PHKB: variants seen among roughly 807,000 people sequenced by gnomAD.
PHKB encodes phosphorylase kinase regulatory subunit beta.
In PHKB, 122 loss-of-function variants were observed where a neutral mutation model predicts 152.1. The ratio of observed to expected loss-of-function variants is 0.80; its 90% confidence interval spans 0.69 to 0.93. PHKB has a LOEUF of 0.93. Ranked by LOEUF, PHKB falls within the 40% of genes least tolerant of loss-of-function variation. PHKB has a pLI of 0.00. For synonymous variants in PHKB, 436 were observed against 464.9 expected (o/e 0.94, Z 0.80); for missense variants, 1,304 against 1,328.4 (o/e 0.98, Z 0.29).
chr16:47,474,849 C>CA (rs1419175550), intron 1 of PHKB, among the ~76,000 whole-genome samples: 1 of 152,092 alleles, frequency 6.6e-6, no homozygotes, highest in African/African-American at 2.4e-5. Flanking sequence ...CTCAGCCTCC[C>CA]AAGTAGCTGG....
Position 47,669,211 on chromosome 16 carries a change from G to A in PHKB, c.2428-4G>A. 6.2e-7 allele frequency: 1 copy of A among 1,611,450 alleles called. No homozygotes were observed. Among genetic ancestry groups the A allele is most frequent in the Non-Finnish European group, 8.5e-7 (1 of 1,177,772 alleles). On this transcript the variant is annotated splice_polypyrimidine_tract_variant and splice_region_variant and intron_variant, in intron 25 of 30. Coordinates refer to ENST00000323584, the MANE Select transcript of PHKB (RefSeq NM_000293.3). ...ATTTTACAATAAAATTCTGCCACTTGTAGGTAACTCTGGGTGCCTTTGGGC... is the reference window on the plus strand; with the variant it reads ...ATTTTACAATAAAATTCTGCCACTTATAGGTAACTCTGGGTGCCTTTGGGC...
Position 47,485,240 on chromosome 16 carries a change from C to T in PHKB, c.77-12159C>T, listed in dbSNP as rs561886525. Among the ~76,000 whole-genome samples the T allele has an allele frequency of 2.6e-5, 4 of 152,164 alleles. No individual in the cohort carries two copies. In the South Asian group the frequency reaches 6.2e-4, roughly 24 times the overall value. ...ATTTATTCCATAATATTTTAAATTTCGGTGTATGGTGGAACTGTGCAGAAA... is the reference window on the plus strand; with the variant it reads ...ATTTATTCCATAATATTTTAAATTTTGGTGTATGGTGGAACTGTGCAGAAA... On this transcript the variant is annotated intron_variant, in intron 1 of 30. Transcript: ENST00000323584.
intron 7 of PHKB, among the ~76,000 whole-genome samples, chr16:47,549,360 G>A (rs929627206): frequency 6.6e-6 from 1 of 152,100 alleles, no homozygotes; most frequent in Non-Finnish European, 1.5e-5. Context: ...CATATTTTCA[G>A]CGTGAAATAT....
intron 3 of PHKB, 30 bp downstream of exon 3, chr16:47,499,924 T>A: frequency 6.2e-7 from 1 of 1,613,630 alleles, no homozygotes; most frequent in Non-Finnish European, 8.5e-7. Context: ...CCTCGTAACT[T>A]TGAGAGTGGA....
intron 14 of PHKB, among the ~76,000 whole-genome samples, chr16:47,622,927 T>C (rs528091314): frequency 1.3e-5 from 2 of 152,350 alleles, no homozygotes; most frequent in African/African-American, 4.8e-5. Context: ...CATAGAATTT[T>C]GCATGAATTA....
chr16:47,512,072 C>T lies in PHKB; in HGVS notation c.513+300C>T, dbSNP rs1970520151. On this transcript the variant is annotated intron_variant, in intron 5 of 30. Transcript: ENST00000323584. ...CAGAGCTCAGGCGGTAATGCTTGCT[C>T]ACTGCTGCTCACCTCCTGCTGTGCG... Among the ~76,000 whole-genome samples the T allele has an allele frequency of 2.0e-5, 3 of 152,210 alleles. No individual in the cohort carries two copies. The South Asian group carries it at 6.2e-4, about 32-fold the overall frequency.
At chr16:47,574,166 C>T (rs1567311933) in intron 7 of PHKB, among the ~76,000 whole-genome samples, 3 of 152,154 alleles carry the variant, frequency 2.0e-5, no homozygotes, top group Admixed American at 6.5e-5. Flanking sequence ...GTGACCCACC[C>T]GTTTCAGCCT....
intron 7 of PHKB, among the ~76,000 whole-genome samples, chr16:47,573,453 C>G (rs1267339937): frequency 6.6e-6 from 1 of 152,152 alleles, no homozygotes; most frequent in African/African-American, 2.4e-5. Flanking sequence ...GCGGAACTGC[C>G]TCTGTTGCAT....
intron 26 of PHKB, among the ~76,000 whole-genome samples, chr16:47,680,401 G>T (rs1597174890): frequency 6.6e-6 from 1 of 152,108 alleles, no homozygotes; most frequent in East Asian, 1.9e-4. Context: ...TCTGGTCCTG[G>T]ACTATTTTTG....
At chr16:47,577,296 C>T (rs1430257119) in intron 7 of PHKB, among the ~76,000 whole-genome samples, 4 of 152,054 alleles carry the variant, frequency 2.6e-5, no homozygotes, top group Middle Eastern at 3.4e-3. Flanking sequence ...GTCTTATTAC[C>T]ATTCTGAATT....
intron 16 of PHKB, among the ~76,000 whole-genome samples, chr16:47,644,641 T>G (rs1040402584): frequency 1.3e-5 from 2 of 152,184 alleles, no homozygotes; most frequent in African/African-American, 4.8e-5. Context: ...TGTATTTCTG[T>G]CATTAAATGT....
chr16:47,678,337 A>G (rs1259400426), intron 26 of PHKB, among the ~76,000 whole-genome samples: 1 of 152,214 alleles, frequency 6.6e-6, no homozygotes, highest in African/African-American at 2.4e-5. Context: ...TCCCTGAGGA[A>G]TCGCCACACT....
intron 6 of PHKB, among the ~76,000 whole-genome samples, chr16:47,543,953 A>G (rs1304628392): frequency 6.6e-6 from 1 of 151,886 alleles, no homozygotes; most frequent in Non-Finnish European, 1.5e-5. Flanking sequence ...ATTACAATCT[A>G]TTCTATACAT....
In PHKB at chr16:47,669,412, A is replaced by G. The variant is rs1458881430; in HGVS notation, c.2625A>G (p.Arg875=). 5 of 1,613,962 alleles carry G rather than the reference A, an allele frequency of 3.1e-6. No homozygotes were observed. Among genetic ancestry groups the G allele is most frequent in the Non-Finnish European group, 4.2e-6 (5 of 1,179,834 alleles). The change falls in exon 26 of 31, where the codon CGA becomes CGG. Residue 875 remains arginine (R), a synonymous_variant. Transcript: ENST00000323584. The part of the protein sequence containing the change: ...PELFSGMLKI[R]IGWIIHAMEY... ...TATTCAGTGGCATGCTGAAAATACG[A>G]ATCGGGTGAGTGAAGTCCTTTGCAT...
intron 14 of PHKB, among the ~76,000 whole-genome samples, chr16:47,620,951 GGTATAAAGT>G (rs2151714895): frequency 6.6e-6 from 1 of 152,214 alleles, no homozygotes. Context: ...AGTTTAAAAT[GGTATAAAGT>G]GTAAAGAATT....
chr16:47,636,292 C>T (rs1972918830), intron 14 of PHKB, among the ~76,000 whole-genome samples: 1 of 152,228 alleles, frequency 6.6e-6, no homozygotes, highest in Non-Finnish European at 1.5e-5. Flanking sequence ...GGCAACCTGT[C>T]TAGGGCAGCC....
chr16:47,470,475 G>A (rs1969746365), intron 1 of PHKB, among the ~76,000 whole-genome samples: 1 of 152,204 alleles, frequency 6.6e-6, no homozygotes, highest in Non-Finnish European at 1.5e-5. Context: ...TTCCAGAGTG[G>A]GCGTTATGGC....
At chr16:47,522,347 C>T (rs1002158797) in intron 6 of PHKB, among the ~76,000 whole-genome samples, 2 of 151,926 alleles carry the variant, frequency 1.3e-5, no homozygotes, top group Non-Finnish European at 2.9e-5. Context: ...TCATAGTATC[C>T]TATTTAAGTC....
rs763761593 is a variant in PHKB, at chr16:47,650,535, G to C, written c.1798-9G>C. ...GTGCCATTACATCCTACCTCATTCTGTTTGACAGAATGCGCTGCAGTTCAT... is the reference window on the plus strand; with the variant it reads ...GTGCCATTACATCCTACCTCATTCTCTTTGACAGAATGCGCTGCAGTTCAT... On this transcript the variant is annotated splice_polypyrimidine_tract_variant and intron_variant, in intron 18 of 30. Coordinates refer to ENST00000323584, the MANE Select transcript of PHKB (RefSeq NM_000293.3). The C allele has an allele frequency of 1.2e-5, 18 of 1,550,916 alleles. No homozygotes were observed. The highest frequency in any genetic ancestry group is 1.7e-5 in the Admixed American group (1 of 59,908).
Sources: gnomAD v4.1 joint callset for allele counts (sites outside exome capture counted in the v4.1 genomes callset) on GRCh38, gnomAD v4.1.1 for gene constraint, MANE v1.5 for transcripts, NCBI Gene and HGNC (gene_info 2026-07-23, HGNC 2026-07-21) for gene names.